BANK1: variants seen among roughly 807,000 people sequenced by gnomAD.
BANK1 encodes B cell scaffold protein with ankyrin repeats 1.
In BANK1, 95 loss-of-function variants were observed where a neutral mutation model predicts 94.5. The observed-to-expected ratio is 1.00, with a 90% CI of 0.85 to 1.19. The LOEUF is 1.19. Among genes scored for constraint, BANK1 ranks in the 50% most tolerant of loss-of-function variants. The pLI, the probability that BANK1 is intolerant of heterozygous loss-of-function variation, is 0.00. For missense variants in BANK1, 987 were observed against 932.2 expected, an observed-to-expected ratio of 1.06 and a Z score of -0.77; for synonymous variants, 334 against 308.4, an observed-to-expected ratio of 1.08 and a Z score of -0.87.
At chr4:101,933,488 G>A (rs1560639633) in intron 7 of BANK1, among the ~76,000 whole-genome samples, 2 of 151,466 alleles carry the variant, frequency 1.3e-5, no homozygotes, top group East Asian at 3.9e-4. Flanking sequence ...TAATAAAGGT[G>A]AGTATTTTCC....
At chr4:101,907,347 T>C (rs1722489947) in intron 6 of BANK1, among the ~76,000 whole-genome samples, 1 of 152,142 alleles carries the variant, frequency 6.6e-6, no homozygotes, top group Non-Finnish European at 1.5e-5. Flanking sequence ...TTTGACAAAA[T>C]TCAACAGCAC....
In BANK1 at chr4:101,986,895, G is replaced by GTATATA. The variant is rs1253442320; in HGVS notation, c.1207-34618_1207-34617insATATAT. On this transcript the variant is annotated intron_variant, in intron 7 of 16. Coordinates refer to ENST00000322953, the MANE Select transcript of BANK1 (RefSeq NM_017935.5). ...TGTATGTGTGTGTGTGTGTGTGTGT[G>GTATATA]TGTGTATATATATATATATATATAT... is the stretch of plus-strand genomic sequence containing the variant. 1.1e-3 allele frequency among the ~76,000 whole-genome samples: 72 copies of GTATATA among 64,648 alleles called. 2 individuals are homozygous for GTATATA. Among genetic ancestry groups the GTATATA allele is most frequent in the African/African-American group, 4.1e-3 (45 of 10,890 alleles). The allele number at this position is 64,648 out of a possible 152,430, so 42.4% of individuals were successfully genotyped here. A position where few individuals can be genotyped will look rare whatever the true frequency, so the allele number is the denominator to read the frequency against.
rs766189263 is a variant in BANK1 at position 101,855,148 on chromosome 4, A to G, written c.583A>G (p.Ile195Val). ...ACTATCAGAAGCTTCAAGAAACACC[A>G]TACCACTAGCAGTGGTGCTTCCCAC... ...EELSEASRNT[I>V]PLAVVLPTEI... Residue 195 changes from isoleucine (I) to valine (V), a missense_variant, in exon 3 of 17, where the codon ATA becomes GTA. Coordinates refer to ENST00000322953, the MANE Select transcript of BANK1 (RefSeq NM_017935.5). 1.2e-6 allele frequency: 2 copies of G among 1,613,728 alleles called. No homozygotes were observed. The highest frequency in any genetic ancestry group is 1.7e-6 in the Non-Finnish European group (2 of 1,179,672).
chr4:101,944,449 A>G (rs922983921), intron 7 of BANK1, among the ~76,000 whole-genome samples: 6 of 151,828 alleles, frequency 4.0e-5, no homozygotes, highest in East Asian at 3.9e-4. Flanking sequence ...CACTTGGTCA[A>G]TTTCCACCAT....
At chr4:102,044,019 A>G in intron 11 of BANK1, 112 bp downstream of exon 11, 2 of 584,066 alleles carry the variant, frequency 3.4e-6, no homozygotes, top group Non-Finnish European at 6.0e-6. Flanking sequence ...TGTGCTTTAT[A>G]AATCTTACTC....
At chr4:101,951,290 C>T (rs536585571) in intron 7 of BANK1, among the ~76,000 whole-genome samples, 12 of 152,078 alleles carry the variant, frequency 7.9e-5, no homozygotes, top group Non-Finnish European at 1.6e-4. Flanking sequence ...CCTAATCTAA[C>T]TTACTGCTTT....
chr4:102,036,762 C>G (rs1009126416), intron 10 of BANK1: 2 of 152,190 alleles, frequency 1.3e-5, no homozygotes, highest in Non-Finnish European at 2.9e-5. Flanking sequence ...CTGTCATTCT[C>G]ACAGTAGAAC....
intron 1 of BANK1, among the ~76,000 whole-genome samples, chr4:101,807,935 A>G (rs75086521): frequency 6.6e-6 from 1 of 151,830 alleles, no homozygotes; most frequent in South Asian, 2.1e-4. Flanking sequence ...AAAAAAAAAA[A>G]TTAGCTGGCT....
At chr4:102,004,987 G>C (rs1374521403) in intron 7 of BANK1, among the ~76,000 whole-genome samples, 3 of 151,930 alleles carry the variant, frequency 2.0e-5, no homozygotes, top group Non-Finnish European at 4.4e-5. Flanking sequence ...TTTTGGCTCT[G>C]ATAAAACACT....
At chr4:101,810,223 G>T (rs1047497766) in intron 1 of BANK1, among the ~76,000 whole-genome samples, 5 of 152,124 alleles carry the variant, frequency 3.3e-5, no homozygotes, top group African/African-American at 1.2e-4. Context: ...ATGTAGCCCT[G>T]CAAATATCTG....
At chr4:101,809,407 A>C (rs1321694232) in intron 1 of BANK1, among the ~76,000 whole-genome samples, 2 of 152,234 alleles carry the variant, frequency 1.3e-5, no homozygotes, top group East Asian at 3.9e-4. Context: ...TACACTGCTT[A>C]GGTGATGGAT....
intron 4 of BANK1, among the ~76,000 whole-genome samples, chr4:101,864,063 A>G (rs1054928027): frequency 6.6e-6 from 1 of 152,214 alleles, no homozygotes; most frequent in Admixed American, 6.5e-5. Flanking sequence ...CCATGCTTCC[A>G]AGATATACCA....
At chr4:101,982,412 A>G (rs945372854) in intron 7 of BANK1, among the ~76,000 whole-genome samples, 1 of 152,002 alleles carries the variant, frequency 6.6e-6, no homozygotes, top group Admixed American at 6.6e-5. Flanking sequence ...AATGCCTATC[A>G]TTATGAAGTT....
intron 10 of BANK1, among the ~76,000 whole-genome samples, chr4:102,034,650 G>A (rs949783972): frequency 1.3e-5 from 2 of 152,186 alleles, no homozygotes; most frequent in Non-Finnish European, 2.9e-5. Context: ...AGTTGGCTTA[G>A]TCATCTTCTT....
At chr4:102,011,484 G>A (rs1726510816) in intron 7 of BANK1, among the ~76,000 whole-genome samples, 1 of 152,172 alleles carries the variant, frequency 6.6e-6, no homozygotes, top group South Asian at 2.1e-4. Context: ...GTGCAGTACT[G>A]ATAGAATATG....
intron 2 of BANK1, among the ~76,000 whole-genome samples, chr4:101,841,102 G>A (rs184154479): frequency 2.4e-4 from 37 of 152,044 alleles, no homozygotes; most frequent in Non-Finnish European, 4.6e-4. Flanking sequence ...CTGGGATTGC[G>A]GTCATGAGCC....
intron 2 of BANK1, among the ~76,000 whole-genome samples, chr4:101,839,051 G>A (rs1342999084): frequency 6.6e-6 from 1 of 152,094 alleles, no homozygotes; most frequent in African/African-American, 2.4e-5. Context: ...ACAATAGGTA[G>A]TTTAAACTAA....
chr4:102,055,248 T>G (rs1266710510), intron 11 of BANK1, among the ~76,000 whole-genome samples: 1 of 152,008 alleles, frequency 6.6e-6, no homozygotes, highest in African/African-American at 2.4e-5. Flanking sequence ...AGTAGAACTA[T>G]TAATGTACTA....
In BANK1 at chr4:102,021,607, G is replaced by A. The variant is rs749491088; in HGVS notation, c.1285+15G>A. On this transcript the variant is annotated intron_variant, in intron 8 of 16. Coordinates refer to ENST00000322953, the MANE Select transcript of BANK1 (RefSeq NM_017935.5). ...ATATATTCCTTGTAAGTTTTTCCAT[G>A]TTATATATATATATGACATATTCAT... 4 of 1,012,704 alleles carry A rather than the reference G, an allele frequency of 3.9e-6. No individual in the cohort carries two copies. In the African/African-American group the frequency reaches 5.1e-5, roughly 13 times the overall value. The allele number at this position is 1,012,704 out of a possible 1,614,324, so 62.7% of individuals were successfully genotyped here.
Sources: allele counts gnomAD v4.1 joint callset (sites outside exome capture counted in the v4.1 genomes callset), GRCh38; gene constraint gnomAD v4.1.1; transcripts MANE v1.5; gene names NCBI Gene and HGNC (gene_info 2026-07-23, HGNC 2026-07-21).